Variants in FAT3 observed in about 807,000 individuals in gnomAD.
The protein encoded by FAT3 is protocadherin Fat 3.
FAT3 carries 95 observed loss-of-function variants against 310.2 expected under a neutral mutation model. The ratio of observed to expected loss-of-function variants is 0.31; its 90% CI spans 0.26 to 0.36. The LOEUF (loss-of-function observed/expected upper bound fraction) is 0.36, where lower values mean the gene tolerates loss of function less well. FAT3 is among the 10% of genes least tolerant of loss of function. FAT3 has a pLI of 1.00. For synonymous variants in FAT3, 2,314 were observed against 2,192.9 expected (o/e 1.06, Z -1.54); for missense variants, 5,408 against 5,715.6 (o/e 0.95, Z 1.74).
At chr11:92,279,710 T>G (rs1002376217) in intron 1 of FAT3, among the ~76,000 whole-genome samples, 5 of 152,198 alleles carry the variant, frequency 3.3e-5, no homozygotes, top group Non-Finnish European at 7.3e-5. Flanking sequence ...AAGTTCTTTC[T>G]TCCGGCTACT....
chr11:92,594,997 A>ATGTGTG (rs56275316), intron 3 of FAT3, among the ~76,000 whole-genome samples: 20,838 of 149,236 alleles, frequency 0.14, 1,564 homozygotes, highest in African/African-American at 0.18. Context: ...TCATGAATAA[A>ATGTGTG]TGTGTGTGTG....
intron 2 of FAT3, among the ~76,000 whole-genome samples, chr11:92,493,484 C>T (rs569618756): frequency 8.5e-5 from 13 of 152,180 alleles, no homozygotes; most frequent in South Asian, 2.1e-4. Flanking sequence ...GACACCTGCA[C>T]GGCTTGCTGT....
intron 1 of FAT3, among the ~76,000 whole-genome samples, chr11:92,248,029 A>G (rs1864992095): frequency 6.6e-6 from 1 of 152,142 alleles, no homozygotes; most frequent in African/African-American, 2.4e-5. Flanking sequence ...AATAAGAATA[A>G]CATTTAAATG....
In FAT3 at chr11:92,358,001, A is replaced by C. The variant is rs1412400589; in HGVS notation, c.3292+2597A>C. Among the ~76,000 whole-genome samples, 424 of 149,782 alleles carry C rather than the reference A, an allele frequency of 2.8e-3. 2 individuals are homozygous for C. Among genetic ancestry groups the C allele is most frequent in the African/African-American group, 7.8e-3 (321 of 40,910 alleles). On this transcript the variant is annotated intron_variant, in intron 2 of 27. Coordinates refer to ENST00000525166, the MANE Select transcript of FAT3 (RefSeq NM_001367949.2). ...TTGGTCAGTATGGTGGAATTCCTAA[A>C]AAAAAAAAAAAAATACAGAAAATTA... is the stretch of plus-strand genomic sequence containing the variant.
chr11:92,286,169 T>C (rs751628722), intron 1 of FAT3, among the ~76,000 whole-genome samples: 29 of 152,162 alleles, frequency 1.9e-4, no homozygotes, highest in Non-Finnish European at 3.8e-4. Flanking sequence ...GGGATACACA[T>C]TGCCAGTGAT....
chr11:92,697,952 A>C (rs985458324), intron 4 of FAT3, among the ~76,000 whole-genome samples: 1 of 152,226 alleles, frequency 6.6e-6, no homozygotes, highest in African/African-American at 2.4e-5. Context: ...ACTACAGCAA[A>C]ATCAACTCTA....
intron 1 of FAT3, among the ~76,000 whole-genome samples, chr11:92,319,455 A>G (rs1183839965): frequency 6.6e-6 from 1 of 152,200 alleles, no homozygotes; most frequent in Admixed American, 6.5e-5. Context: ...ACAATAAACC[A>G]TTGTTTCTTC....
At chr11:92,847,569 C>G (rs892675707) in intron 19 of FAT3, among the ~76,000 whole-genome samples, 3 of 152,174 alleles carry the variant, frequency 2.0e-5, no homozygotes, top group Non-Finnish European at 4.4e-5. Context: ...TTCTCTCAGA[C>G]TCCTGTGTGC....
At position 92,801,519 on chromosome 11, in the gene FAT3, G is replaced by A; in HGVS notation, c.8506G>A (p.Val2836Met). 6.2e-7 allele frequency: 1 copy of A among 1,610,576 alleles called. No homozygotes were observed. Among genetic ancestry groups the A allele is most frequent in the Non-Finnish European group, 8.5e-7 (1 of 1,178,318 alleles). Residue 2836 changes from valine to methionine, a missense_variant, in exon 10 of 28, where the codon GTG becomes ATG. Transcript: ENST00000525166. ...GCCTGTTGGCACCAAACTCACACAA[G>A]TGAGAGCTATTGATATGGACTGGGG... ...GMPVGTKLTQ[V>M]RAIDMDWGAN... is the part of the protein sequence containing the mutation.
intron 3 of FAT3, among the ~76,000 whole-genome samples, chr11:92,603,390 A>G (rs2135594440): frequency 6.6e-6 from 1 of 152,360 alleles, no homozygotes; most frequent in South Asian, 2.1e-4. Flanking sequence ...AATTGTGTTC[A>G]TCTGTAATTC....
chr11:92,756,256 C>G (rs984875890), intron 4 of FAT3, among the ~76,000 whole-genome samples: 1 of 152,182 alleles, frequency 6.6e-6, no homozygotes, highest in African/African-American at 2.4e-5. Context: ...TATGACAAAG[C>G]TTAATTTATA....
chr11:92,630,613 A>T (rs1941522936), intron 3 of FAT3, among the ~76,000 whole-genome samples: 1 of 152,106 alleles, frequency 6.6e-6, no homozygotes, highest in Non-Finnish European at 1.5e-5. Context: ...CAAGCTAAAA[A>T]CCTGAAGCCA....
At chr11:92,610,181 A>C (rs2135621031) in intron 3 of FAT3, among the ~76,000 whole-genome samples, 1 of 152,358 alleles carries the variant, frequency 6.6e-6, no homozygotes, top group South Asian at 2.1e-4. Context: ...CTAAATTAGC[A>C]ATAAAATTCA....
intron 4 of FAT3, among the ~76,000 whole-genome samples, chr11:92,737,791 C>T (rs1190045926): frequency 6.6e-6 from 1 of 151,934 alleles, no homozygotes; most frequent in Admixed American, 6.6e-5. Flanking sequence ...GTATTACTCA[C>T]ATAATGGATC....
chr11:92,546,594 A>G lies in FAT3; in HGVS notation c.3607+21646A>G, dbSNP rs532611618. Reference sequence around the variant, plus strand: ...AATTAGGGTCACCACTGAGTTTTCAATATTTAAAAAAATGACCGTACATAG... The same window carrying G: ...AATTAGGGTCACCACTGAGTTTTCAGTATTTAAAAAAATGACCGTACATAG... On this transcript the variant is annotated intron_variant, in intron 3 of 27. Transcript: ENST00000525166. Among the ~76,000 whole-genome samples the G allele has an allele frequency of 7.2e-5, 11 of 152,356 alleles. No homozygotes were observed. The South Asian group carries it at 8.3e-4, about 11-fold the overall frequency.
rs1736901693 is a variant in FAT3 at position 92,755,701 on chromosome 11, A to C, written c.3670-6155A>C. Among the ~76,000 whole-genome samples, 3 of 152,214 alleles carry C rather than the reference A, an allele frequency of 2.0e-5. No homozygotes were observed. The South Asian group carries it at 6.2e-4, about 31-fold the overall frequency. On this transcript the variant is annotated intron_variant, in intron 4 of 27. Coordinates refer to ENST00000525166, the MANE Select transcript of FAT3 (RefSeq NM_001367949.2). ...AAAAAATTAGGTAGAGCTTTCTGAA[A>C]ATTGAATCTATCAAACCACAAATGG...
At chr11:92,348,090 G>A (rs1948463245) in intron 1 of FAT3, among the ~76,000 whole-genome samples, 1 of 151,212 alleles carries the variant, frequency 6.6e-6, no homozygotes, top group Non-Finnish European at 1.5e-5. Context: ...TTCCTAATCA[G>A]TGGGAAAACT....
rs1192700255 is a variant in FAT3 at position 92,893,878 on chromosome 11, A to G, written c.*2765A>G. The G allele has an allele frequency of 6.6e-6, 1 of 152,246 alleles. No homozygotes were observed. 9.4% of individuals were successfully genotyped at this position (152,246 alleles called of 1,614,324 possible). On this transcript the variant is annotated 3_prime_UTR_variant, in exon 28 of 28. Transcript: ENST00000525166. ...TGATCACTAATTCAAAAAAGCTGGA[A>G]GAATCCTATTTGCTAGTCCAAACTC...
intron 3 of FAT3, among the ~76,000 whole-genome samples, chr11:92,662,226 A>C (rs535529659): frequency 6.6e-6 from 1 of 152,208 alleles, no homozygotes; most frequent in Non-Finnish European, 1.5e-5. Context: ...GCCAGGAGCC[A>C]TTATCAGGAG....
Sources: allele counts gnomAD v4.1 joint callset (sites outside exome capture counted in the v4.1 genomes callset), GRCh38; gene constraint gnomAD v4.1.1; transcripts MANE v1.5; gene names NCBI Gene and HGNC (gene_info 2026-07-23, HGNC 2026-07-21).